Variants in MBD3 observed in about 807,000 individuals in gnomAD.
MBD3 encodes the protein methyl-CpG binding domain protein 3.
A neutral mutation model predicts 31.2 loss-of-function variants in MBD3; 13 were observed. The ratio of observed to expected loss-of-function variants is 0.42; its 90% CI spans 0.27 to 0.66. MBD3 has a LOEUF of 0.66. Ranked by LOEUF, MBD3 falls within the 30% of genes least tolerant of loss-of-function variation. The pLI is 0.26. For synonymous variants in MBD3, 223 were observed against 187.4 expected, an observed-to-expected ratio of 1.19 and a Z score of -1.55; for missense variants, 440 against 426.5, an observed-to-expected ratio of 1.03 and a Z score of -0.28.
At position 1,584,577 on chromosome 19, in the gene MBD3, T is replaced by C; in HGVS notation, c.371A>G (p.Lys124Arg). Residue 124 changes from lysine to arginine, a missense_variant, in exon 3 of 7, where the codon AAG (lysine) becomes AGG (arginine). By Grantham distance (26) the Lys-to-Arg change is conservative. Around this residue, in one of 3 missense-constraint regions of MBD3, gnomAD observed 144 missense variants for 196.9 expected, o/e 0.73. Transcript: ENST00000434436. The part of the protein sequence containing the change: ...KITNHPSNKV[K>R]SDPQKAVDQP... ...GTCCACCGCCTTCTGCGGGTCGCTC[T>C]TGACCTTGTTGCTGGGGTGGTTGGT... 1 of 1,613,922 alleles carries C rather than the reference T, an allele frequency of 6.2e-7. No individual in the cohort carries two copies. Among genetic ancestry groups the C allele is most frequent in the Non-Finnish European group, 8.5e-7 (1 of 1,179,932 alleles).
Position 1,577,342 on chromosome 19 carries a change from CCT to C in MBD3, c.*820_*821del, listed in dbSNP as rs1488000095. 1 of 152,260 alleles carries C rather than the reference CCT, an allele frequency of 6.6e-6. No homozygotes were observed. The highest frequency in any genetic ancestry group is 1.5e-5 in the Non-Finnish European group (1 of 68,070). The allele number at this position is 152,260 out of a possible 1,614,324, so 9.4% of individuals were successfully genotyped here. A position where few individuals can be genotyped will look rare whatever the true frequency, so the allele number is the denominator to read the frequency against. On this transcript the variant is annotated 3_prime_UTR_variant, in exon 7 of 7. Coordinates refer to ENST00000434436, the MANE Select transcript of MBD3 (RefSeq NM_001281453.2). Reference sequence around the variant, plus strand: ...CTCGAGGAGCGTCTGGGAGCCTCACCCTGTCCCAGTGGCTCCTGGCACCCCTG... The same window carrying C: ...CTCGAGGAGCGTCTGGGAGCCTCACCGTCCCAGTGGCTCCTGGCACCCCTG...
chr19:1,590,155 G>A (rs906061007), intron 1 of MBD3, among the ~76,000 whole-genome samples: 1 of 152,010 alleles, frequency 6.6e-6, no homozygotes, highest in African/African-American at 2.4e-5. Context: ...AAAATTAGCC[G>A]GGCATGGTGG....
chr19:1,580,106 TCA>T (rs766958344), intron 5 of MBD3, among the ~76,000 whole-genome samples: 28 of 152,374 alleles, frequency 1.8e-4, no homozygotes, highest in Non-Finnish European at 2.8e-4. Flanking sequence ...CTGCTATTTT[TCA>T]CAGTCTTGTT....
Position 1,577,071 on chromosome 19 carries a change from C to G in MBD3, c.*1093G>C, listed in dbSNP as rs778363795. On this transcript the variant is annotated 3_prime_UTR_variant, in exon 7 of 7. Coordinates refer to ENST00000434436, the MANE Select transcript of MBD3 (RefSeq NM_001281453.2). Reference sequence around the variant, plus strand: ...GACCAGATCCTGGCTGGGGCAGCACCGGGACAGGCCCTCTCTATGGGCCTA... The same window carrying G: ...GACCAGATCCTGGCTGGGGCAGCACGGGGACAGGCCCTCTCTATGGGCCTA... 3.9e-5 allele frequency: 6 copies of G among 152,398 alleles called. No individual in the cohort carries two copies. In the South Asian group the frequency reaches 1.2e-3, roughly 32 times the overall value. The allele number at this position is 152,398 out of a possible 1,614,324, so 9.4% of individuals were successfully genotyped here.
intron 1 of MBD3, among the ~76,000 whole-genome samples, chr19:1,591,788 G>A (rs1234038727): frequency 1.3e-5 from 2 of 152,138 alleles, no homozygotes; most frequent in Admixed American, 6.5e-5. Context: ...CACGGAGGGG[G>A]TTCCCTGCGA....
At chr19:1,579,904 T>C (rs758649600) in intron 5 of MBD3, among the ~76,000 whole-genome samples, 3 of 152,218 alleles carry the variant, frequency 2.0e-5, no homozygotes, top group African/African-American at 7.2e-5. Flanking sequence ...ACTACAGGCA[T>C]GTGCCAAAAC....
rs2060712265 is a variant in MBD3, at chr19:1,592,731, GC to G, written c.-101del. On this transcript the variant is annotated 5_prime_UTR_variant, in exon 1 of 7. Transcript: ENST00000434436. ...TGCCTCCGCTGCCGCTGCCGCCGCC[GC>G]CACTTGCCGCGGCTGTTCCGGCCCG... 1 of 256,118 alleles carries G rather than the reference GC, an allele frequency of 3.9e-6. No individual in the cohort carries two copies. The highest frequency in any genetic ancestry group is 2.3e-5 in the African/African-American group (1 of 42,836). 15.9% of individuals were successfully genotyped at this position (256,118 alleles called of 1,614,324 possible).
intron 5 of MBD3, among the ~76,000 whole-genome samples, chr19:1,580,490 G>A (rs1332764192): frequency 2.0e-5 from 3 of 152,196 alleles, no homozygotes; most frequent in South Asian, 2.1e-4. Flanking sequence ...GACCTAAGCC[G>A]TGTGCTGCAC....
rs1259282845 is a variant in MBD3, at chr19:1,573,739, A to G, written c.*4425T>C. ...GAAGGCTAAAAATTAAAACTGTGAA[A>G]ATTAAAACTGAGCAGGGAAGGCAGT... On this transcript the variant is annotated 3_prime_UTR_variant, in exon 7 of 7. Coordinates refer to ENST00000434436, the MANE Select transcript of MBD3 (RefSeq NM_001281453.2). The G allele has an allele frequency of 3.3e-5, 5 of 152,190 alleles. No homozygotes were observed. Among genetic ancestry groups the G allele is most frequent in the African/African-American group, 1.2e-4 (5 of 41,438 alleles). The allele number at this position is 152,190 out of a possible 1,614,324, so 9.4% of individuals were successfully genotyped here.
Position 1,592,335 on chromosome 19 carries a change from G to T in MBD3, c.110+187C>A, listed in dbSNP as rs561049176. ...TGAACGGCCGGCCGAAAGCCATGCG[G>T]CCCAACAAGCGGCGCACGCGCACTG... On this transcript the variant is annotated intron_variant, in intron 1 of 6. Coordinates refer to ENST00000434436, the MANE Select transcript of MBD3 (RefSeq NM_001281453.2). 3.5e-4 allele frequency: 59 copies of T among 170,036 alleles called. 1 individual carries two copies. Among genetic ancestry groups the T allele is most frequent in the East Asian group, 2.1e-3 (12 of 5,748 alleles). 10.5% of individuals were successfully genotyped at this position (170,036 alleles called of 1,614,324 possible).
At position 1,585,323 on chromosome 19, in the gene MBD3, C is replaced by G; in HGVS notation, c.111-109G>C. The G allele has an allele frequency of 7.9e-7, 1 of 1,266,630 alleles. No individual in the cohort carries two copies. The allele number at this position is 1,266,630 out of a possible 1,614,324, so 78.5% of individuals were successfully genotyped here. ...CAGCCCCAGCTTCAGGTCGCGACCC[C>G]AGCCCCAGACCCCAACACGGCCCTG... On this transcript the variant is annotated intron_variant, in intron 1 of 6. Transcript: ENST00000434436. This position sits in a 1 kb window ranked among gnomAD's most constrained non-coding sequence, Gnocchi z 4.1.
Position 1,585,511 on chromosome 19 carries a change from A to T in MBD3, c.111-297T>A. 1 of 437,756 alleles carries T rather than the reference A, an allele frequency of 2.3e-6. No individual in the cohort carries two copies. Among genetic ancestry groups the T allele is most frequent in the Non-Finnish European group, 4.2e-6 (1 of 236,082 alleles). The allele number at this position is 437,756 out of a possible 1,614,324, so 27.1% of individuals were successfully genotyped here. On this transcript the variant is annotated intron_variant, in intron 1 of 6. Coordinates refer to ENST00000434436, the MANE Select transcript of MBD3 (RefSeq NM_001281453.2). This position sits in a 1 kb window ranked among gnomAD's most constrained non-coding sequence, Gnocchi z 4.1. Reference sequence around the variant, plus strand: ...ATCCTCACACCCTGGCCCTAGCCCCAGCCTCCACATCGGATCCTTGCTCCA... The same window carrying T: ...ATCCTCACACCCTGGCCCTAGCCCCTGCCTCCACATCGGATCCTTGCTCCA...
rs1314012561 is a variant in MBD3, at chr19:1,578,889, G to A, written c.678-351C>T. On this transcript the variant is annotated intron_variant, in intron 5 of 6. Transcript: ENST00000434436. The surrounding 1 kb of genome is among the most constrained non-coding windows in gnomAD (Gnocchi z 6.1). ...CCCTTGACAGGCACTGAGTGGGGCA[G>A]GAAAACCCTCACCAGGCCAGGTAGA... is the stretch of plus-strand genomic sequence containing the variant. Among the ~76,000 whole-genome samples, 3 of 152,080 alleles carry A rather than the reference G, an allele frequency of 2.0e-5. No homozygotes were observed. The highest frequency in any genetic ancestry group is 4.4e-5 in the Non-Finnish European group (3 of 67,998).
intron 1 of MBD3, chr19:1,591,932 G>A (rs962376703): frequency 2.0e-5 from 3 of 151,814 alleles, no homozygotes; most frequent in Non-Finnish European, 4.4e-5. Context: ...TCCACCCTGA[G>A]GGGGCCACGA....
chr19:1,587,804 C>G (rs1298176842), intron 1 of MBD3, among the ~76,000 whole-genome samples: 1 of 152,222 alleles, frequency 6.6e-6, no homozygotes, highest in African/African-American at 2.4e-5. Context: ...TCTACAAACT[C>G]AGTCAACAGT....
chr19:1,579,259 T>G (rs1157569906), intron 5 of MBD3, among the ~76,000 whole-genome samples: 1 of 119,776 alleles, frequency 8.3e-6, no homozygotes, highest in Non-Finnish European at 1.7e-5. Context: ...GCCCCCACCC[T>G]CGCAGGCCGG....
Position 1,582,720 on chromosome 19 carries a change from A to G in MBD3, c.409-8T>C. On this transcript the variant is annotated splice_region_variant and splice_polypyrimidine_tract_variant and intron_variant, in intron 3 of 6. Transcript: ENST00000434436. Reference sequence around the variant, plus strand: ...CTTCTTCTCCCAGAAGAGCTGCCCCAGACACATATGTGAACCTCAAGAGTG... The same window carrying G: ...CTTCTTCTCCCAGAAGAGCTGCCCCGGACACATATGTGAACCTCAAGAGTG... The G allele has an allele frequency of 6.2e-7, 1 of 1,612,132 alleles. No homozygotes were observed. Among genetic ancestry groups the G allele is most frequent in the Non-Finnish European group, 8.5e-7 (1 of 1,179,076 alleles).
rs1012473361 is a variant in MBD3, at chr19:1,592,710, T to TCCGCTG, written c.-85_-80dup. The TCCGCTG allele has an allele frequency of 1.6e-4, 62 of 384,612 alleles. 1 individual carries two copies. The East Asian group carries it at 1.7e-3, about 11-fold the overall frequency. The allele number at this position is 384,612 out of a possible 1,614,324, so 23.8% of individuals were successfully genotyped here. A position where few individuals can be genotyped will look rare whatever the true frequency, so the allele number is the denominator to read the frequency against. ...ACTCGCCGCCGCCGCCTCAGCTGCC[T>TCCGCTG]CCGCTGCCGCTGCCGCCGCCGCCAC... On this transcript the variant is annotated 5_prime_UTR_variant, in exon 1 of 7. Coordinates refer to ENST00000434436, the MANE Select transcript of MBD3 (RefSeq NM_001281453.2).
Position 1,592,503 on chromosome 19 carries a change from G to T in MBD3, c.110+19C>A. On this transcript the variant is annotated intron_variant, in intron 1 of 6. Coordinates refer to ENST00000434436, the MANE Select transcript of MBD3 (RefSeq NM_001281453.2). ...GGAGGAGCCCGTTGAGGCCCTGCGCGGCCGGCGCGCTCATTCACCTATAGT... is the reference window on the plus strand; with the variant it reads ...GGAGGAGCCCGTTGAGGCCCTGCGCTGCCGGCGCGCTCATTCACCTATAGT... 2.2e-6 allele frequency: 3 copies of T among 1,350,412 alleles called. No homozygotes were observed. Among genetic ancestry groups the T allele is most frequent in the Non-Finnish European group, 2.0e-6 (2 of 1,014,216 alleles). The allele number at this position is 1,350,412 out of a possible 1,614,324, so 83.7% of individuals were successfully genotyped here.
Sources: allele counts gnomAD v4.1 joint callset (sites outside exome capture counted in the v4.1 genomes callset), GRCh38; gene constraint gnomAD v4.1.1; regional missense constraint gnomAD v4.1.1; non-coding constraint Gnocchi (gnomAD v3.1); transcripts MANE v1.5; gene names NCBI Gene and HGNC (gene_info 2026-07-23, HGNC 2026-07-21).